Variants in PDE10A observed in about 807,000 individuals in gnomAD.
PDE10A encodes the protein cAMP and cAMP-inhibited cGMP 3',5'-cyclic phosphodiesterase 10A.
Under a neutral mutation model 97.7 loss-of-function variants are expected in PDE10A, and 39 were observed. That is an observed-to-expected ratio of 0.40 (90% CI 0.31 to 0.52). PDE10A has a LOEUF of 0.52. PDE10A is among the 20% of genes least tolerant of loss of function. PDE10A has a pLI of 0.56. For missense variants in PDE10A, 731 were observed against 1,047.8 expected (o/e 0.70, Z 4.17); for synonymous variants, 371 against 376.8 (o/e 0.98, Z 0.18).
In PDE10A at chr6:165,967,593, C is replaced by T. The variant is rs188521768; in HGVS notation, c.-615+19936G>A. 2.0e-3 allele frequency among the ~76,000 whole-genome samples: 304 copies of T among 152,290 alleles called. 3 individuals are homozygous for T. Among genetic ancestry groups the T allele is most frequent in the Non-Finnish European group, 2.6e-4 (18 of 68,018 alleles). On this transcript the variant is annotated intron_variant, in intron 1 of 19. Coordinates refer to the PDE10A transcript ENST00000366882. Reference sequence around the variant, plus strand: ...TCGAAAATCATTTCAAAAACAAATACTGCATAAGGAAAAGATGATTTGAAT... The same window carrying T: ...TCGAAAATCATTTCAAAAACAAATATTGCATAAGGAAAAGATGATTTGAAT...
At chr6:165,428,950 GTATT>G (rs984874317) in intron 9 of PDE10A, among the ~76,000 whole-genome samples, 15 of 152,012 alleles carry the variant, frequency 9.9e-5, no homozygotes, top group African/African-American at 3.6e-4. Flanking sequence ...AATGCAATCA[GTATT>G]TATTTTATTG....
intron 1 of PDE10A, among the ~76,000 whole-genome samples, chr6:165,549,065 G>C (rs1043597970): frequency 6.6e-6 from 1 of 152,148 alleles, no homozygotes; most frequent in Non-Finnish European, 1.5e-5. Flanking sequence ...GAACCTAGTC[G>C]ATCTCAACAG....
chr6:165,898,175 C>T (rs926139451), intron 1 of PDE10A, among the ~76,000 whole-genome samples: 14 of 152,082 alleles, frequency 9.2e-5, no homozygotes, highest in East Asian at 7.7e-4. Context: ...CAGATCCCCC[C>T]GCTGCCTCCC....
chr6:165,884,122 C>T (rs1307836538), intron 1 of PDE10A, among the ~76,000 whole-genome samples: 1 of 152,092 alleles, frequency 6.6e-6, no homozygotes, highest in East Asian at 1.9e-4. Flanking sequence ...GGAGGTCACC[C>T]ACAGTCCCAA....
At chr6:165,435,109 G>A in intron 6 of PDE10A, 128 bp downstream of exon 6, 1 of 874,578 alleles carries the variant, frequency 1.1e-6, no homozygotes, top group Middle Eastern at 2.8e-4. Context: ...TTAATATATT[G>A]ATCTGTAACT....
rs557710597 is a variant in PDE10A at position 165,905,442 on chromosome 6, CATT to C, written c.-615+82084_-615+82086del. Among the ~76,000 whole-genome samples the C allele has an allele frequency of 7.9e-5, 12 of 152,178 alleles. No individual in the cohort carries two copies. In the South Asian group the frequency reaches 2.5e-3, roughly 32 times the overall value. Reference sequence around the variant, plus strand: ...TATGTATTCATCTTTCTTTAATAATCATTAAGAATCTTGTCCATATCTATTAAT... The same window carrying C: ...TATGTATTCATCTTTCTTTAATAATCAAGAATCTTGTCCATATCTATTAAT... On this transcript the variant is annotated intron_variant, in intron 1 of 19. Transcript: ENST00000366882.
intron 9 of PDE10A, among the ~76,000 whole-genome samples, chr6:165,429,280 T>A (rs1220739746): frequency 2.6e-5 from 4 of 151,944 alleles, no homozygotes; most frequent in Non-Finnish European, 5.9e-5. Flanking sequence ...CAGAGGCAAA[T>A]AGTGCATATA....
intron 18 of PDE10A, among the ~76,000 whole-genome samples, chr6:165,349,848 G>C (rs1376887557): frequency 1.3e-5 from 2 of 152,192 alleles, no homozygotes; most frequent in African/African-American, 4.8e-5. Context: ...CCCAAGCCTT[G>C]GTGGCTTACA....
At chr6:165,384,635 T>A (rs3799161) in intron 17 of PDE10A, among the ~76,000 whole-genome samples, 2 of 90,168 alleles carry the variant, frequency 2.2e-5, no homozygotes, top group Non-Finnish European at 4.2e-5. Context: ...TGAGTGAGTG[T>A]GTGTGTGTGT....
At chr6:165,591,980 C>A (rs1351922675) in intron 1 of PDE10A, among the ~76,000 whole-genome samples, 1 of 152,116 alleles carries the variant, frequency 6.6e-6, no homozygotes, top group Non-Finnish European at 1.5e-5. Flanking sequence ...TAATTCAAAT[C>A]CTTACATATA....
intron 1 of PDE10A, among the ~76,000 whole-genome samples, chr6:165,717,211 A>G (rs565956485): frequency 3.3e-5 from 5 of 152,306 alleles, no homozygotes; most frequent in African/African-American, 1.2e-4. Context: ...CACTGGATGG[A>G]CACACTACAA....
chr6:165,580,374 T>C (rs1434418574), intron 1 of PDE10A, among the ~76,000 whole-genome samples: 1 of 152,122 alleles, frequency 6.6e-6, no homozygotes, highest in Non-Finnish European at 1.5e-5. Flanking sequence ...AAGAAGGGCA[T>C]GGGACTACAA....
intron 1 of PDE10A, among the ~76,000 whole-genome samples, chr6:165,923,155 C>T (rs774146621): frequency 4.6e-5 from 7 of 152,168 alleles, no homozygotes; most frequent in East Asian, 1.9e-4. Context: ...AAATGGCCTT[C>T]GCTCCTAATT....
intron 1 of PDE10A, among the ~76,000 whole-genome samples, chr6:165,749,738 C>T (rs1275066142): frequency 6.6e-6 from 1 of 152,218 alleles, no homozygotes; most frequent in East Asian, 1.9e-4. Flanking sequence ...ATTTCATCTT[C>T]TAAATTCCTG....
At chr6:165,426,149 T>C (rs758608810) in intron 10 of PDE10A, among the ~76,000 whole-genome samples, 5 of 152,180 alleles carry the variant, frequency 3.3e-5, no homozygotes, top group Admixed American at 1.3e-4. Context: ...TTCAACATAA[T>C]TCCTATCAGC....
chr6:165,513,161 T>G (rs1562535951), intron 2 of PDE10A, among the ~76,000 whole-genome samples: 1 of 152,060 alleles, frequency 6.6e-6, no homozygotes, highest in Admixed American at 6.6e-5. Flanking sequence ...CTAAGAAATT[T>G]TAGAATTTAG....
rs1364228318 is a variant in PDE10A, at chr6:165,749,008, T to A, written c.-614-205440A>T. ...ATGTAAAATGAGGATAATAATGATA[T>A]CAACCTTGTCAAATTGCTACTAATT... is the stretch of plus-strand genomic sequence containing the variant. On this transcript the variant is annotated intron_variant, in intron 1 of 19. Coordinates refer to the PDE10A transcript ENST00000366882. 3.3e-5 allele frequency among the ~76,000 whole-genome samples: 5 copies of A among 152,204 alleles called. No individual in the cohort carries two copies. The East Asian group carries it at 7.7e-4, about 23-fold the overall frequency.
chr6:165,435,785 T>G (rs1327744988), intron 5 of PDE10A, among the ~76,000 whole-genome samples: 1 of 152,180 alleles, frequency 6.6e-6, no homozygotes, highest in Non-Finnish European at 1.5e-5. Flanking sequence ...TAGCTGCAAG[T>G]CAAGTGATTT....
chr6:165,931,244 TC>T (rs780433654), intron 1 of PDE10A, among the ~76,000 whole-genome samples: 2 of 152,246 alleles, frequency 1.3e-5, no homozygotes, highest in Non-Finnish European at 2.9e-5. Context: ...CTTGCTCTGT[TC>T]CTTGGCTGCA....
Sources: gnomAD v4.1 joint callset for allele counts (sites outside exome capture counted in the v4.1 genomes callset) on GRCh38, gnomAD v4.1.1 for gene constraint, MANE v1.5 for transcripts, NCBI Gene and HGNC (gene_info 2026-07-23, HGNC 2026-07-21) for gene names.